FBN2: variants seen among roughly 807,000 people sequenced by gnomAD.
FBN2 encodes the protein fibrillin-2.
Under a neutral mutation model 355.6 loss-of-function variants are expected in FBN2, and 105 were observed. The observed-to-expected ratio is 0.30, with a 90% CI of 0.25 to 0.35. The LOEUF (loss-of-function observed/expected upper bound fraction) is 0.35. Among genes scored for constraint, FBN2 ranks in the 10% least tolerant of loss-of-function variants. FBN2 has a pLI of 1.00. For synonymous variants in FBN2, 1,350 were observed against 1,301.2 expected, an observed-to-expected ratio of 1.04 and a Z score of -0.81; for missense variants, 3,280 against 3,758.7, an observed-to-expected ratio of 0.87 and a Z score of 3.33.
At chr5:128,514,544 T>C (rs1303946488) in intron 5 of FBN2, among the ~76,000 whole-genome samples, 1 of 152,180 alleles carries the variant, frequency 6.6e-6, no homozygotes, top group Non-Finnish European at 1.5e-5. Context: ...ACTGTAAGAG[T>C]ACTCAACAAA....
At chr5:128,528,366 G>A (rs1756620723) in intron 3 of FBN2, among the ~76,000 whole-genome samples, 1 of 152,090 alleles carries the variant, frequency 6.6e-6, no homozygotes, top group South Asian at 2.1e-4. Flanking sequence ...CCGATGGGGA[G>A]CTACGGAAAA....
intron 32 of FBN2, 147 bp from the exon 33 acceptor site, chr5:128,330,842 C>A: frequency 1.1e-6 from 1 of 901,874 alleles, no homozygotes; most frequent in Non-Finnish European, 1.7e-6. Context: ...GCTAAGCTCT[C>A]AGACCCAATG....
At chr5:128,529,208 G>A (rs1012901524) in intron 3 of FBN2, among the ~76,000 whole-genome samples, 24 of 152,060 alleles carry the variant, frequency 1.6e-4, no homozygotes, top group African/African-American at 5.6e-4. Context: ...TAAATATTAT[G>A]AGTTATCAAC....
chr5:128,498,606 AC>A (rs1249227307), intron 5 of FBN2, among the ~76,000 whole-genome samples: 1 of 152,230 alleles, frequency 6.6e-6, no homozygotes, highest in Non-Finnish European at 1.5e-5. Context: ...CTCTGGCTTC[AC>A]TCAAATGCAG....
chr5:128,402,601 T>C (rs1323242394), intron 8 of FBN2, among the ~76,000 whole-genome samples: 2 of 152,184 alleles, frequency 1.3e-5, no homozygotes, highest in African/African-American at 4.8e-5. Context: ...AATTGGGGAT[T>C]GTATGTTGAA....
At position 128,361,761 on chromosome 5, in the gene FBN2, G is replaced by T. The variant is rs1283323687; in HGVS notation, c.2516C>A (p.Pro839Gln). 6.2e-7 allele frequency: 1 copy of T among 1,613,986 alleles called. No individual in the cohort carries two copies. Among genetic ancestry groups the T allele is most frequent in the East Asian group, 2.2e-5 (1 of 44,888 alleles). ...TGTCTCAGTCCTGAACACATACCCT[G>T]GTGGGCACGTACAGCTGTAACTTCC... Reference protein sequence around the residue: ...TPGSYSCTCPPGYVFRTETET... With the variant: ...TPGSYSCTCPQGYVFRTETET... Residue 839 changes from proline to glutamine, a missense_variant, in exon 19 of 65, where the codon CCA becomes CAA. Coordinates refer to ENST00000262464, the MANE Select transcript of FBN2 (RefSeq NM_001999.4).
intron 8 of FBN2, among the ~76,000 whole-genome samples, chr5:128,402,723 C>T (rs1029021894): frequency 2.0e-5 from 3 of 152,148 alleles, no homozygotes; most frequent in South Asian, 2.1e-4. Context: ...AGTAGGTGTT[C>T]GGTAAATAGC....
At chr5:128,490,838 AT>A (rs1174181797) in intron 5 of FBN2, among the ~76,000 whole-genome samples, 1 of 152,176 alleles carries the variant, frequency 6.6e-6, no homozygotes, top group Non-Finnish European at 1.5e-5. Flanking sequence ...AAATAGTAAA[AT>A]TTCTACTTTA....
intron 6 of FBN2, among the ~76,000 whole-genome samples, chr5:128,456,255 C>G (rs562463708): frequency 6.6e-6 from 1 of 151,974 alleles, no homozygotes; most frequent in Non-Finnish European, 1.5e-5. Flanking sequence ...GCAGGATCTC[C>G]GATAACTCCA....
Position 128,336,620 on chromosome 5 carries a change from C to T in FBN2, c.3599-507G>A, listed in dbSNP as rs32222. 3.3e-5 allele frequency among the ~76,000 whole-genome samples: 5 copies of T among 152,078 alleles called. No homozygotes were observed. In the East Asian group the frequency reaches 9.7e-4, roughly 29 times the overall value. The stretch of plus-strand genomic sequence containing the variant: ...ATGGAAGACTGATGGTTCCACAAGA[C>T]AGAGGCATGACAATAGGGCCCTCAT... On this transcript the variant is annotated intron_variant, in intron 27 of 64. Transcript: ENST00000262464.
chr5:128,340,818 CCTCT>C (rs752335442), intron 25 of FBN2, among the ~76,000 whole-genome samples: 3 of 150,370 alleles, frequency 2.0e-5, no homozygotes, highest in East Asian at 2.0e-4. Context: ...TCTCTCTCTC[CCTCT>C]CTCTCTCTCT....
At chr5:128,442,367 C>T (rs749138847) in intron 7 of FBN2, 36 of 456,480 alleles carry the variant, frequency 7.9e-5, no homozygotes, top group Non-Finnish European at 2.2e-5. Flanking sequence ...GCTTTATCCA[C>T]ATGGACTGAA....
chr5:128,434,071 T>C (rs1753704556), intron 7 of FBN2, among the ~76,000 whole-genome samples: 1 of 152,088 alleles, frequency 6.6e-6, no homozygotes, highest in Non-Finnish European at 1.5e-5. Context: ...TTACCTAACC[T>C]TGCGACCAAT....
chr5:128,407,957 T>A (rs933508343), intron 8 of FBN2, among the ~76,000 whole-genome samples: 4 of 152,224 alleles, frequency 2.6e-5, no homozygotes, highest in African/African-American at 7.2e-5. Flanking sequence ...ATTTTCCTAA[T>A]TCCTGCACTA....
intron 16 of FBN2, 30 bp downstream of exon 16, chr5:128,369,152 A>G: frequency 6.2e-7 from 1 of 1,611,500 alleles, no homozygotes; most frequent in Non-Finnish European, 8.5e-7. Context: ...TTGATTCTTT[A>G]TCAACTGTGA....
Position 128,261,751 on chromosome 5 carries a change from T to C in FBN2, c.8349A>G (p.Glu2783=), listed in dbSNP as rs770993580. 6.2e-7 allele frequency: 1 copy of C among 1,614,166 alleles called. No individual in the cohort carries two copies. Among genetic ancestry groups the C allele is most frequent in the Non-Finnish European group, 8.5e-7 (1 of 1,179,998 alleles). The change falls in exon 64 of 65, where the codon GAA becomes GAG. Residue 2783 remains glutamate (E), a synonymous_variant. Transcript: ENST00000262464. ...KDSRQKRSIH[E]PDPTAVEQIS... The stretch of plus-strand genomic sequence containing the variant: ...ATATACTCACAGCAGTGGGATCAGG[T>C]TCATGAATACTTCTCTTCTGCCTGC...
chr5:128,369,499 C>G (rs1751871271), intron 15 of FBN2, among the ~76,000 whole-genome samples, 165 bp from the exon 16 acceptor site: 1 of 152,108 alleles, frequency 6.6e-6, no homozygotes, highest in Non-Finnish European at 1.5e-5. Flanking sequence ...AGGAAATCAA[C>G]AAATGTTTTC....
chr5:128,415,559 G>A (rs879317226), intron 7 of FBN2, among the ~76,000 whole-genome samples: 1 of 152,088 alleles, frequency 6.6e-6, no homozygotes, highest in Non-Finnish European at 1.5e-5. Context: ...TAACCAAGTA[G>A]TATTTCATTG....
chr5:128,495,382 T>C (rs1755628267), intron 5 of FBN2, among the ~76,000 whole-genome samples: 1 of 151,796 alleles, frequency 6.6e-6, no homozygotes, highest in Non-Finnish European at 1.5e-5. Flanking sequence ...AAAAGAACAG[T>C]AAAAGATATT....
Sources: allele counts gnomAD v4.1 joint callset (sites outside exome capture counted in the v4.1 genomes callset), GRCh38; gene constraint gnomAD v4.1.1; transcripts MANE v1.5; gene names NCBI Gene and HGNC (gene_info 2026-07-23, HGNC 2026-07-21).